Variants in NFATC1 observed in about 807,000 individuals in gnomAD.
NFATC1 encodes the protein nuclear factor of activated T cells 1.
NFATC1 carries 22 observed loss-of-function variants against 76.0 expected under a neutral mutation model. That is an observed-to-expected ratio of 0.29 (90% CI 0.21 to 0.41). The LOEUF (loss-of-function observed/expected upper bound fraction) is 0.41, where lower values mean the gene tolerates loss of function less well. Among genes scored for constraint, NFATC1 ranks in the 10% least tolerant of loss-of-function variants. The pLI is 1.00. For missense variants in NFATC1, 1,357 were observed against 1,337.7 expected (o/e 1.01, Z -0.23); for synonymous variants, 704 against 613.1 (o/e 1.15, Z -2.19).
At chr18:79,467,677 C>T (rs990792499) in intron 8 of NFATC1, 95 bp downstream of exon 8, 14 of 1,560,968 alleles carry the variant, frequency 9.0e-6, no homozygotes, top group African/African-American at 5.5e-5. Flanking sequence ...AGCAGCGTGG[C>T]GTGTTGCACA....
At chr18:79,459,730 A>G (rs1382431758) in intron 6 of NFATC1, among the ~76,000 whole-genome samples, 1 of 152,134 alleles carries the variant, frequency 6.6e-6, no homozygotes, top group Non-Finnish European at 1.5e-5. Context: ...CACCCCAAAG[A>G]TGGACTTTGT....
intron 3 of NFATC1, among the ~76,000 whole-genome samples, chr18:79,437,247 G>A (rs1415628184): frequency 6.6e-6 from 1 of 152,240 alleles, no homozygotes; most frequent in East Asian, 1.9e-4. Flanking sequence ...AGAGGGGTCT[G>A]GCGTGGGCCT....
At chr18:79,439,074 A>G (rs1195535104) in intron 3 of NFATC1, among the ~76,000 whole-genome samples, 1 of 152,122 alleles carries the variant, frequency 6.6e-6, no homozygotes, top group Non-Finnish European at 1.5e-5. Flanking sequence ...GGGAGTGTTC[A>G]GTACCGTGAG....
intron 2 of NFATC1, 48 bp from the exon 3 acceptor site, chr18:79,433,531 C>A (rs759089114): frequency 2.7e-5 from 43 of 1,609,788 alleles, no homozygotes; most frequent in Non-Finnish European, 3.6e-5. Context: ...GTGGCCCGGG[C>A]GAGGTCTGTG....
chr18:79,487,010 C>A, intron 9 of NFATC1, 73 bp downstream of exon 9: 1 of 1,463,802 alleles, frequency 6.8e-7, no homozygotes, highest in Non-Finnish European at 9.2e-7. Flanking sequence ...GGGCCGTGTG[C>A]GTGCTGCGTG....
At chr18:79,411,638 C>A in intron 2 of NFATC1, 137 bp downstream of exon 2, 1 of 632,858 alleles carries the variant, frequency 1.6e-6, no homozygotes, top group Non-Finnish European at 2.1e-6. Context: ...GGCAGGTGGG[C>A]TCCTCGTGGA....
rs1230262202 is a variant in NFATC1 at position 79,400,150 on chromosome 18, C to CG, written c.127+3806dup. The CG allele has an allele frequency of 2.4e-5, 21 of 873,108 alleles. No individual in the cohort carries two copies. The South Asian group carries it at 3.1e-4, about 13-fold the overall frequency. The allele number at this position is 873,108 out of a possible 1,614,324, so 54.1% of individuals were successfully genotyped here. ...TCGCGCGCGCGCGAGGGGGCGGGGG[C>CG]GGGGGGGACACGAGTTTATTTAAAA... On this transcript the variant is annotated intron_variant, in intron 1 of 9. Coordinates refer to ENST00000427363, the MANE Select transcript of NFATC1 (RefSeq NM_001278669.2).
intron 1 of NFATC1, among the ~76,000 whole-genome samples, chr18:79,409,653 A>T (rs2085589169): frequency 6.6e-6 from 1 of 151,938 alleles, no homozygotes; most frequent in African/African-American, 2.4e-5. Context: ...CCCGTCCATC[A>T]TGATCCATCC....
At chr18:79,402,271 G>GTT in intron 1 of NFATC1, 1 of 951,212 alleles carries the variant, frequency 1.1e-6, no homozygotes, top group Non-Finnish European at 1.3e-6. Context: ...GGACGCCACA[G>GTT]TTTATACACC....
At chr18:79,501,907 C>G (rs542789110) in intron 9 of NFATC1, among the ~76,000 whole-genome samples, 2 of 152,270 alleles carry the variant, frequency 1.3e-5, no homozygotes, top group East Asian at 3.9e-4. Context: ...ACAGAAGAAT[C>G]AATATTGTGA....
At position 79,465,573 on chromosome 18, in the gene NFATC1, G is replaced by A. The variant is rs551657377; in HGVS notation, c.1960-1877G>A. Among the ~76,000 whole-genome samples, 8 of 151,670 alleles carry A rather than the reference G, an allele frequency of 5.3e-5. No homozygotes were observed. Among genetic ancestry groups the A allele is most frequent in the South Asian group, 4.2e-4 (2 of 4,770 alleles). ...CCCCGCCTCCACCCCAGCCTGTCCC[G>A]TGGGGTCCCCGCCTCCCCACTCCTC... On this transcript the variant is annotated intron_variant, in intron 7 of 9. Transcript: ENST00000427363. This position sits in a 1 kb window ranked among gnomAD's most constrained non-coding sequence, Gnocchi z 4.2.
chr18:79,457,614 G>T (rs1378537050), intron 6 of NFATC1, among the ~76,000 whole-genome samples: 1 of 152,168 alleles, frequency 6.6e-6, no homozygotes, highest in African/African-American at 2.4e-5. Flanking sequence ...TAATTCGGTG[G>T]GTTTTGGTGG....
intron 1 of NFATC1, among the ~76,000 whole-genome samples, chr18:79,401,110 C>T (rs2085232219): frequency 1.3e-5 from 2 of 151,176 alleles, no homozygotes; most frequent in South Asian, 4.2e-4. Flanking sequence ...AAATAACTCC[C>T]CACTCCCGAA....
intron 8 of NFATC1, among the ~76,000 whole-genome samples, chr18:79,478,102 C>G (rs1431955004): frequency 7.5e-6 from 1 of 132,474 alleles, no homozygotes; most frequent in Admixed American, 7.4e-5. Flanking sequence ...CCCAGGCCCC[C>G]GTTCTTGCCC....
At chr18:79,402,147 C>T (rs528372729) in intron 1 of NFATC1, among the ~76,000 whole-genome samples, 5 of 152,236 alleles carry the variant, frequency 3.3e-5, no homozygotes, top group South Asian at 4.1e-4. Flanking sequence ...ACAGCAGCCT[C>T]GGGAAGGACA....
At chr18:79,499,333 A>G (rs1166551730) in intron 9 of NFATC1, among the ~76,000 whole-genome samples, 1 of 130,278 alleles carries the variant, frequency 7.7e-6, no homozygotes, top group African/African-American at 2.5e-5. Flanking sequence ...CTAAGAAAAT[A>G]TATATGTGTG....
chr18:79,523,713 C>T (rs2090674746), intron 9 of NFATC1, among the ~76,000 whole-genome samples: 3 of 152,184 alleles, frequency 2.0e-5, no homozygotes, highest in Non-Finnish European at 2.9e-5. Context: ...GGGAGGCTCT[C>T]AGCCTGCAGC....
chr18:79,450,824 G>T (rs2144780274), intron 4 of NFATC1, 130 bp from the exon 5 acceptor site: 1 of 1,167,952 alleles, frequency 8.6e-7, no homozygotes, highest in South Asian at 1.5e-5. Flanking sequence ...CCTTGGGGAA[G>T]GGGAGAGTGG....
chr18:79,463,811 C>G (rs957276091), intron 7 of NFATC1, among the ~76,000 whole-genome samples: 1 of 152,204 alleles, frequency 6.6e-6, no homozygotes, highest in African/African-American at 2.4e-5. Context: ...TCGCCAGCCC[C>G]GCACATGCAC....
Sources: allele counts gnomAD v4.1 joint callset (sites outside exome capture counted in the v4.1 genomes callset), GRCh38; gene constraint gnomAD v4.1.1; non-coding constraint Gnocchi (gnomAD v3.1); transcripts MANE v1.5; gene names NCBI Gene and HGNC (gene_info 2026-07-23, HGNC 2026-07-21).